ZNF12: variants seen among roughly 807,000 people sequenced by gnomAD.
ZNF12 encodes the protein zinc finger protein 12, also known as gonadotropin inducible transcription repressor 3.
In ZNF12, 34 loss-of-function variants were observed where a neutral mutation model predicts 66.6. The observed-to-expected ratio is 0.51, with a 90% CI of 0.39 to 0.68. The LOEUF is 0.68. ZNF12 is among the 30% of genes least tolerant of loss of function. ZNF12 has a pLI of 0.00. For synonymous variants in ZNF12, 320 were observed against 278.9 expected, an observed-to-expected ratio of 1.15 and a Z score of -1.47; for missense variants, 697 against 826.9, an observed-to-expected ratio of 0.84 and a Z score of 1.93.
intron 1 of ZNF12, 146 bp downstream of exon 1, chr7:6,706,286 C>G (rs1307339834): frequency 7.3e-6 from 3 of 409,946 alleles, no homozygotes; most frequent in African/African-American, 4.1e-5. Context: ...TAAGCCTCGT[C>G]CTCGCCGGAC....
chr7:6,693,573 T>C (rs1780108650), intron 4 of ZNF12, among the ~76,000 whole-genome samples: 1 of 152,238 alleles, frequency 6.6e-6, no homozygotes, highest in Non-Finnish European at 1.5e-5. Flanking sequence ...GCATGAATTC[T>C]GGTGAGGTGA....
Position 6,698,336 on chromosome 7 carries a change from G to T in ZNF12, c.16-525C>A, listed in dbSNP as rs543457862. ...TGTCTGTACTTGCTGCTTTGATGGTGAGCCCTCTTCCTGGCTAATTTAATT... is the reference window on the plus strand; with the variant it reads ...TGTCTGTACTTGCTGCTTTGATGGTTAGCCCTCTTCCTGGCTAATTTAATT... On this transcript the variant is annotated intron_variant, in intron 2 of 4. Coordinates refer to ENST00000405858, the MANE Select transcript of ZNF12 (RefSeq NM_016265.4). This position sits in a 1 kb window ranked among gnomAD's most constrained non-coding sequence, Gnocchi z 4.4. Among the ~76,000 whole-genome samples the T allele has an allele frequency of 6.6e-6, 1 of 152,206 alleles. No homozygotes were observed. Among genetic ancestry groups the T allele is most frequent in the South Asian group, 2.1e-4 (1 of 4,820 alleles).
In ZNF12 at chr7:6,690,888, C is replaced by T. The variant is rs1281330048; in HGVS notation, c.2054G>A (p.Arg685Lys). The T allele has an allele frequency of 6.2e-7, 1 of 1,613,750 alleles. No homozygotes were observed. Residue 685 changes from arginine (R) to lysine (K), a missense_variant, in exon 5 of 5, where the codon AGA becomes AAA. Transcript: ENST00000405858. ...CACATCTATTACATTCATATTGCCT[C>T]TCCTATGAATTCTCTGATGGCTGTT... ...AFNSHQRIHRRGNMNVIDVGR... is the reference protein window; with the variant it reads ...AFNSHQRIHRKGNMNVIDVGR...
Position 6,690,040 on chromosome 7 carries a change from T to C in ZNF12, c.*808A>G, listed in dbSNP as rs1314474171. The C allele has an allele frequency of 6.6e-6, 1 of 152,208 alleles. No homozygotes were observed. The highest frequency in any genetic ancestry group is 2.4e-5 in the African/African-American group (1 of 41,462). 9.4% of individuals were successfully genotyped at this position (152,208 alleles called of 1,614,324 possible). A position where few individuals can be genotyped will look rare whatever the true frequency, so the allele number is the denominator to read the frequency against. On this transcript the variant is annotated 3_prime_UTR_variant, in exon 5 of 5. Transcript: ENST00000405858. ...TTTCTATCTATTTTATACATGGATA[T>C]TTATCTCTCTGGCTGACTCAGATAC...
intron 4 of ZNF12, among the ~76,000 whole-genome samples, chr7:6,695,834 G>A (rs1238617716): frequency 2.6e-5 from 4 of 152,182 alleles, no homozygotes; most frequent in Non-Finnish European, 5.9e-5. Flanking sequence ...GAAGATTTGA[G>A]GTCAGACTTA....
rs988970546 is a variant in ZNF12, at chr7:6,706,760, C to T, written c.-379G>A. ...CCCTTGGGCCCCAGCGCCGTCGGCT[C>T]CGGGGGTCGTGCTCGGGGATCCCCG... On this transcript the variant is annotated 5_prime_UTR_variant, in exon 1 of 5. Coordinates refer to ENST00000405858, the MANE Select transcript of ZNF12 (RefSeq NM_016265.4). 10 of 233,814 alleles carry T rather than the reference C, an allele frequency of 4.3e-5. No individual in the cohort carries two copies. Among genetic ancestry groups the T allele is most frequent in the Non-Finnish European group, 6.8e-5 (8 of 118,398 alleles). 14.5% of individuals were successfully genotyped at this position (233,814 alleles called of 1,614,324 possible). A position where few individuals can be genotyped will look rare whatever the true frequency, so the allele number is the denominator to read the frequency against.
In ZNF12 at chr7:6,697,953, A is replaced by G; in HGVS notation, c.16-142T>C. 2 of 1,025,030 alleles carry G rather than the reference A, an allele frequency of 2.0e-6. No homozygotes were observed. The highest frequency in any genetic ancestry group is 3.1e-6 in the Non-Finnish European group (2 of 654,042). 63.5% of individuals were successfully genotyped at this position (1,025,030 alleles called of 1,614,324 possible). A position where few individuals can be genotyped will look rare whatever the true frequency, so the allele number is the denominator to read the frequency against. ...CAGACTGTCAAAGGGAAACAAACAT[A>G]TCAGAAATACACTGTTCTGGGGTTC... On this transcript the variant is annotated intron_variant, in intron 2 of 4. Transcript: ENST00000405858. This position sits in a 1 kb window ranked among gnomAD's most constrained non-coding sequence, Gnocchi z 6.1.
At position 6,690,936 on chromosome 7, in the gene ZNF12, T is replaced by G. The variant is rs768577533; in HGVS notation, c.2006A>C (p.Lys669Thr). 2 of 1,614,138 alleles carry G rather than the reference T, an allele frequency of 1.2e-6. No individual in the cohort carries two copies. Among genetic ancestry groups the G allele is most frequent in the Admixed American group, 3.3e-5 (2 of 60,028 alleles). ...KPYECTECGKKFYHKSAFNSH... is the reference protein window; with the variant it reads ...KPYECTECGKTFYHKSAFNSH... Reference sequence around the variant, plus strand: ...GTTGAATGCTGATTTGTGGTAGAATTTTTTTCCACATTCAGTACACTCATA... The same window carrying G: ...GTTGAATGCTGATTTGTGGTAGAATGTTTTTCCACATTCAGTACACTCATA... The change falls in exon 5 of 5, where the codon AAA becomes ACA. Residue 669 changes from lysine to threonine, a missense_variant. Transcript: ENST00000405858.
At chr7:6,695,723 ATTAC>A (rs1296260320) in intron 4 of ZNF12, among the ~76,000 whole-genome samples, 15 of 152,248 alleles carry the variant, frequency 9.9e-5, no homozygotes, top group African/African-American at 3.6e-4. Flanking sequence ...CGAATAACAG[ATTAC>A]TTAATCAGAG....
chr7:6,693,993 C>A (rs554480637), intron 4 of ZNF12, among the ~76,000 whole-genome samples: 1 of 151,566 alleles, frequency 6.6e-6, no homozygotes, highest in Non-Finnish European at 1.5e-5. Context: ...GATGGTGAAA[C>A]CCTGCTCTAC....
rs1273405807 is a variant in ZNF12, at chr7:6,697,652, A to G, written c.142+33T>C. 1 of 1,612,770 alleles carries G rather than the reference A, an allele frequency of 6.2e-7. No homozygotes were observed. Among genetic ancestry groups the G allele is most frequent in the Non-Finnish European group, 8.5e-7 (1 of 1,179,396 alleles). On this transcript the variant is annotated intron_variant, in intron 3 of 4. Coordinates refer to ENST00000405858, the MANE Select transcript of ZNF12 (RefSeq NM_016265.4). The surrounding 1 kb of genome is among the most constrained non-coding windows in gnomAD (Gnocchi z 6.1). ...ATAAAATTTGTGAGAAATCCCATAT[A>G]TTTTAGCAACTGAGAAAGCAAGCTA...
At chr7:6,702,400 C>CACACAT (rs1780264482) in intron 2 of ZNF12, among the ~76,000 whole-genome samples, 2 of 924 alleles carry the variant, frequency 2.2e-3, no homozygotes, top group African/African-American at 4.9e-3. Context: ...ACACACACAA[C>CACACAT]CAGATTCGTC....
rs935541454 is a variant in ZNF12 at position 6,689,905 on chromosome 7, A to T, written c.*943T>A. The T allele has an allele frequency of 6.6e-6, 1 of 152,436 alleles. No individual in the cohort carries two copies. Among genetic ancestry groups the T allele is most frequent in the African/African-American group, 2.4e-5 (1 of 41,476 alleles). 9.4% of individuals were successfully genotyped at this position (152,436 alleles called of 1,614,324 possible). On this transcript the variant is annotated 3_prime_UTR_variant, in exon 5 of 5. Coordinates refer to ENST00000405858, the MANE Select transcript of ZNF12 (RefSeq NM_016265.4). ...CCAAATAAAAAACAGTAGAAAAAAA[A>T]ATAGATACAAATGGGAATATTTTAA...
chr7:6,692,792 T>G lies in ZNF12; in HGVS notation c.239-89A>C, dbSNP rs1583463287. ...GATTCATGATTTGTACACACGCATC[T>G]CATTGTGAGTAGATGCTAGCTTCAT... On this transcript the variant is annotated intron_variant, in intron 4 of 4. Transcript: ENST00000405858. The surrounding 1 kb of genome is among the most constrained non-coding windows in gnomAD (Gnocchi z 5.1). 1 of 1,254,782 alleles carries G rather than the reference T, an allele frequency of 8.0e-7. No homozygotes were observed. The highest frequency in any genetic ancestry group is 2.4e-5 in the East Asian group (1 of 41,502). 77.7% of individuals were successfully genotyped at this position (1,254,782 alleles called of 1,614,324 possible). A position where few individuals can be genotyped will look rare whatever the true frequency, so the allele number is the denominator to read the frequency against.
At chr7:6,703,333 A>T (rs1043031809) in intron 2 of ZNF12, among the ~76,000 whole-genome samples, 6 of 152,224 alleles carry the variant, frequency 3.9e-5, no homozygotes, top group Non-Finnish European at 8.8e-5. Flanking sequence ...GGAAAGTAGC[A>T]GTATAGAAAG....
In ZNF12 at chr7:6,691,294, C is replaced by G; in HGVS notation, c.1648G>C (p.Glu550Gln). 1 of 1,614,016 alleles carries G rather than the reference C, an allele frequency of 6.2e-7. No individual in the cohort carries two copies. The highest frequency in any genetic ancestry group is 8.5e-7 in the Non-Finnish European group (1 of 1,179,924). ...RRIHKGEKPY[E>Q]CYICGKFFSQ... ...AAGAATTTTCCACATATATAGCATT[C>G]ATAGGGCTTCTCTCCTTTGTGTATT... Residue 550 changes from glutamate to glutamine, a missense_variant, in exon 5 of 5, where the codon GAA (glutamate) becomes CAA (glutamine). Glu to Gln is a conservative substitution (Grantham distance 29). Coordinates refer to ENST00000405858, the MANE Select transcript of ZNF12 (RefSeq NM_016265.4).
intron 2 of ZNF12, among the ~76,000 whole-genome samples, chr7:6,699,522 GT>G (rs1274907253): frequency 1.3e-5 from 2 of 152,238 alleles, no homozygotes; most frequent in Non-Finnish European, 2.9e-5. Context: ...GCCCCAGCAG[GT>G]GATGAGAACT....
chr7:6,704,535 C>T, intron 2 of ZNF12, among the ~76,000 whole-genome samples: 1 of 139,328 alleles, frequency 7.2e-6, no homozygotes, highest in African/African-American at 2.7e-5. Flanking sequence ...TCGAGAGCAG[C>T]CTGGCCAACA....
At chr7:6,703,652 C>T (rs1317242036) in intron 2 of ZNF12, among the ~76,000 whole-genome samples, 1 of 152,146 alleles carries the variant, frequency 6.6e-6, no homozygotes, top group Non-Finnish European at 1.5e-5. Context: ...AAATGCTAAG[C>T]AGGTGGCTGG....
Sources: gnomAD v4.1 joint callset for allele counts (sites outside exome capture counted in the v4.1 genomes callset) on GRCh38, gnomAD v4.1.1 for gene constraint, Gnocchi (gnomAD v3.1) non-coding constraint, MANE v1.5 for transcripts, NCBI Gene and HGNC (gene_info 2026-07-23, HGNC 2026-07-21) for gene names.